MAP3K7CL: variants seen among roughly 807,000 people sequenced by gnomAD.
MAP3K7CL encodes the protein MAP3K7 C-terminal-like protein.
In MAP3K7CL, 16 loss-of-function variants were observed where a neutral mutation model predicts 18.6. The ratio of observed to expected loss-of-function variants is 0.86; its 90% CI spans 0.58 to 1.31. The LOEUF (loss-of-function observed/expected upper bound fraction) is 1.31, where lower values mean the gene tolerates loss of function less well. Ranked by LOEUF, MAP3K7CL falls within the 50% of genes most tolerant of loss-of-function variation. The pLI is 0.00. For missense variants in MAP3K7CL, 163 were observed against 174.4 expected (o/e 0.93, Z 0.37); for synonymous variants, 65 against 66.8 (o/e 0.97, Z 0.13).
chr21:29,104,341 A>G (rs2086283856), intron 4 of MAP3K7CL, among the ~76,000 whole-genome samples: 1 of 151,974 alleles, frequency 6.6e-6, no homozygotes, highest in African/African-American at 2.4e-5. Context: ...CATGTAAACT[A>G]TTGCTGTCTC....
chr21:29,106,032 G>A (rs2832177), intron 4 of MAP3K7CL, among the ~76,000 whole-genome samples: 94,224 of 151,938 alleles, frequency 0.62, 30,508 homozygotes, highest in African/African-American at 0.81. Context: ...CTTCTCATCT[G>A]TAGGCTCACA....
At chr21:29,172,117 G>A (rs1250074436) in intron 4 of MAP3K7CL, among the ~76,000 whole-genome samples, 2 of 151,392 alleles carry the variant, frequency 1.3e-5, no homozygotes, top group South Asian at 2.1e-4. Flanking sequence ...AAGAAATTTA[G>A]CATTGATATA....
At position 29,147,309 on chromosome 21, in the gene MAP3K7CL, G is replaced by T. The variant is rs906256006; in HGVS notation, c.71-1880G>T. 4.6e-5 allele frequency among the ~76,000 whole-genome samples: 7 copies of T among 151,930 alleles called. No homozygotes were observed. The South Asian group carries it at 1.5e-3, about 32-fold the overall frequency. On this transcript the variant is annotated intron_variant, in intron 2 of 4. Transcript: ENST00000399928. Reference sequence around the variant, plus strand: ...CATATGTAGTATATGCACTGTATCTGTACTGTATACATATATGCACTGTAT... The same window carrying T: ...CATATGTAGTATATGCACTGTATCTTTACTGTATACATATATGCACTGTAT...
intron 2 of MAP3K7CL, among the ~76,000 whole-genome samples, chr21:29,144,150 ATT>A (rs759422991): frequency 3.5e-5 from 5 of 143,576 alleles, no homozygotes; most frequent in Admixed American, 7.0e-5. Flanking sequence ...GTTTTAGGGA[ATT>A]TTTTTTTTTT....
intron 4 of MAP3K7CL, among the ~76,000 whole-genome samples, chr21:29,167,948 C>G (rs2471929): frequency 0.28 from 42,662 of 151,752 alleles, 7,507 homozygotes; most frequent in Non-Finnish European, 0.37. Flanking sequence ...GTCCGCCCAC[C>G]TGGCCTCCCA....
upstream of MAP3K7CL, chr21:29,077,367 C>G (rs576856442): frequency 6.5e-6 from 1 of 153,748 alleles, no homozygotes; most frequent in Non-Finnish European, 1.4e-5. Context: ...AGGTGCTAAG[C>G]CCCTCAACTG....
intron 2 of MAP3K7CL, among the ~76,000 whole-genome samples, chr21:29,140,148 C>T (rs2086974505): frequency 6.6e-6 from 1 of 152,092 alleles, no homozygotes; most frequent in Non-Finnish European, 1.5e-5. Context: ...TGGGTGTCTC[C>T]TGTATTTACA....
intron 2 of MAP3K7CL, among the ~76,000 whole-genome samples, chr21:29,138,629 G>C (rs1459009724): frequency 6.6e-6 from 1 of 152,120 alleles, no homozygotes; most frequent in Admixed American, 6.5e-5. Flanking sequence ...GTTTCGCTTA[G>C]AAAGAGTCAA....
intron 3 of MAP3K7CL, among the ~76,000 whole-genome samples, chr21:29,158,917 CTTTTTTTT>C: frequency 1.0e-5 from 1 of 100,446 alleles, no homozygotes; most frequent in Middle Eastern, 6.8e-3. Flanking sequence ...AAAAGTAGTA[CTTTTTTTT>C]TTTTTTTTTT....
Position 29,159,925 on chromosome 21 carries a change from C to T in MAP3K7CL, c.133-16C>T. The stretch of plus-strand genomic sequence containing the variant: ...ATGCAAAGAAATGGACTAATTTCTT[C>T]TTGTTGTTTGTGAAGCCCCTGCCGC... On this transcript the variant is annotated splice_polypyrimidine_tract_variant and intron_variant, in intron 3 of 4. Coordinates refer to ENST00000399928, the MANE Select transcript of MAP3K7CL (RefSeq NM_001286620.2). 1 of 1,600,788 alleles carries T rather than the reference C, an allele frequency of 6.2e-7. No individual in the cohort carries two copies. Among genetic ancestry groups the T allele is most frequent in the Non-Finnish European group, 8.6e-7 (1 of 1,169,258 alleles).
At chr21:29,130,141 C>T (rs2146617271), upstream of MAP3K7CL, among the ~76,000 whole-genome samples, 1 of 152,296 alleles carries the variant, frequency 6.6e-6, no homozygotes, top group East Asian at 1.9e-4. Flanking sequence ...GCTTATTTAA[C>T]CTCAAAAATC....
At chr21:29,119,612 A>G (rs995587245) in intron 4 of MAP3K7CL, among the ~76,000 whole-genome samples, 1 of 151,568 alleles carries the variant, frequency 6.6e-6, no homozygotes, top group Admixed American at 6.6e-5. Flanking sequence ...CAGCTTTTTG[A>G]AAAACGTGCA....
intron 3 of MAP3K7CL, among the ~76,000 whole-genome samples, 200 bp from the exon 4 acceptor site, chr21:29,159,741 G>C (rs1030208796): frequency 6.6e-6 from 1 of 152,010 alleles, no homozygotes; most frequent in Non-Finnish European, 1.5e-5. Context: ...TGAATGTGGA[G>C]ACTATCTGTC....
At chr21:29,085,902 G>A (rs1347414727) in exon 1 of MAP3K7CL, 9 of 1,613,992 alleles carry the variant, frequency 5.6e-6, no homozygotes, top group Non-Finnish European at 7.6e-6. Context: ...TGTGGAACGA[G>A]GCAGCAGATC....
chr21:29,132,573 G>A (rs1405958829), intron 1 of MAP3K7CL, among the ~76,000 whole-genome samples: 1 of 151,874 alleles, frequency 6.6e-6, no homozygotes, highest in African/African-American at 2.4e-5. Context: ...GCAGTGGTAC[G>A]ATCTCGGTTG....
At chr21:29,085,810 C>T, upstream of MAP3K7CL, 9 of 1,581,260 alleles carry the variant, frequency 5.7e-6, no homozygotes, top group Non-Finnish European at 7.8e-6. Flanking sequence ...CTATATCCCC[C>T]AGGTGAAAGA....
rs2086761424 is a variant in MAP3K7CL, at chr21:29,130,644, G to A, written c.-319G>A. On this transcript the variant is annotated 5_prime_UTR_variant, in exon 1 of 5. Coordinates refer to ENST00000399928, the MANE Select transcript of MAP3K7CL (RefSeq NM_001286620.2). Reference sequence around the variant, plus strand: ...TTGCTCTTGCTTTTTCTAGAAAGATGACAACATCCTGGCTGTTAGAGAGGC... The same window carrying A: ...TTGCTCTTGCTTTTTCTAGAAAGATAACAACATCCTGGCTGTTAGAGAGGC... The A allele has an allele frequency of 1.0e-6, 1 of 985,390 alleles. No individual in the cohort carries two copies. The highest frequency in any genetic ancestry group is 6.2e-5 in the Admixed American group (1 of 16,260). 61.0% of individuals were successfully genotyped at this position (985,390 alleles called of 1,614,324 possible).
intron 2 of MAP3K7CL, among the ~76,000 whole-genome samples, chr21:29,146,403 A>G (rs1312376393): frequency 1.3e-5 from 2 of 150,506 alleles, no homozygotes; most frequent in African/African-American, 2.5e-5. Context: ...TTCACAAAGC[A>G]TAGGTTTTAT....
chr21:29,135,376 G>A (rs889666547), intron 2 of MAP3K7CL, among the ~76,000 whole-genome samples: 11 of 151,728 alleles, frequency 7.2e-5, no homozygotes, highest in East Asian at 3.9e-4. Flanking sequence ...GAAGGAAAAT[G>A]TATAATTTCC....
Sources: allele counts gnomAD v4.1 joint callset (sites outside exome capture counted in the v4.1 genomes callset), GRCh38; gene constraint gnomAD v4.1.1; transcripts MANE v1.5; gene names NCBI Gene and HGNC (gene_info 2026-07-23, HGNC 2026-07-21).